Variants in HSPG2 observed in about 807,000 individuals in gnomAD.
HSPG2 encodes heparan sulfate proteoglycan 2.
HSPG2 carries 278 observed loss-of-function variants against 526.6 expected under a neutral mutation model. That is an observed-to-expected ratio of 0.53 (90% CI 0.48 to 0.58). The LOEUF is 0.58. Among genes scored for constraint, HSPG2 ranks in the 20% least tolerant of loss-of-function variants. The pLI is 0.00. For missense variants in HSPG2, 5,354 were observed against 6,099.5 expected (o/e 0.88, Z 4.07); for synonymous variants, 2,465 against 2,555.4 (o/e 0.96, Z 1.07).
intron 6 of HSPG2, chr1:21,888,660 A>C (rs748583963): frequency 2.2e-6 from 3 of 1,362,234 alleles, no homozygotes; most frequent in Non-Finnish European, 2.9e-6. Flanking sequence ...CCTGGCTTAC[A>C]CTCTCACCTG....
chr1:21,927,918 CGTGCCCGGCT>C (rs1466930709), intron 1 of HSPG2, among the ~76,000 whole-genome samples: 3 of 152,250 alleles, frequency 2.0e-5, no homozygotes, highest in Admixed American at 2.0e-4. Flanking sequence ...ATAGAGAAGG[CGTGCCCGGCT>C]GTGCCCTGGG....
In HSPG2 at chr1:21,885,301, A is replaced by G; in HGVS notation, c.1210+19T>C. The stretch of plus-strand genomic sequence containing the variant: ...AACCCAGCCCAGGGCCCGCATCTCG[A>G]CCCCAGCTCCCTGCTCACTGCAGCC... On this transcript the variant is annotated intron_variant, in intron 10 of 96. Transcript: ENST00000374695. The G allele has an allele frequency of 6.2e-7, 1 of 1,613,662 alleles. No individual in the cohort carries two copies. Among genetic ancestry groups the G allele is most frequent in the Non-Finnish European group, 8.5e-7 (1 of 1,179,926 alleles).
Position 21,830,964 on chromosome 1 carries a change from G to C in HSPG2, c.11671+18C>G. On this transcript the variant is annotated intron_variant, in intron 85 of 96. Coordinates refer to ENST00000374695, the MANE Select transcript of HSPG2 (RefSeq NM_005529.7). ...GGCAGGCCCTGGGGCGACAGCGACTGGCGGTCGGGGTGCGTACCTGGATGG... is the reference window on the plus strand; with the variant it reads ...GGCAGGCCCTGGGGCGACAGCGACTCGCGGTCGGGGTGCGTACCTGGATGG... 6.5e-7 allele frequency: 1 copy of C among 1,535,806 alleles called. No homozygotes were observed. Among genetic ancestry groups the C allele is most frequent in the Non-Finnish European group, 8.9e-7 (1 of 1,128,076 alleles).
chr1:21,893,696 G>A lies in HSPG2; in HGVS notation c.244+2226C>T, dbSNP rs1330305155. 1.3e-5 allele frequency among the ~76,000 whole-genome samples: 2 copies of A among 152,046 alleles called. No homozygotes were observed. Among genetic ancestry groups the A allele is most frequent in the Non-Finnish European group, 2.9e-5 (2 of 67,998 alleles). Reference sequence around the variant, plus strand: ...GTAGAGACAGAGAAGGAGGCAAGAAGGGACATTGACAGCGAGGGAGACGAG... The same window carrying A: ...GTAGAGACAGAGAAGGAGGCAAGAAAGGACATTGACAGCGAGGGAGACGAG... On this transcript the variant is annotated intron_variant, in intron 3 of 96. Coordinates refer to ENST00000374695, the MANE Select transcript of HSPG2 (RefSeq NM_005529.7). The surrounding 1 kb of genome is among the most constrained non-coding windows in gnomAD (Gnocchi z 4.3).
chr1:21,888,704 G>A (rs1642131906), intron 6 of HSPG2: 2 of 1,365,500 alleles, frequency 1.5e-6, no homozygotes, highest in Non-Finnish European at 2.0e-6. Context: ...GCCGGCGGGG[G>A]TGGGGGGGTC....
chr1:21,896,939 G>A (rs139555893), intron 1 of HSPG2, among the ~76,000 whole-genome samples: 13 of 152,192 alleles, frequency 8.5e-5, no homozygotes, highest in African/African-American at 3.1e-4. Flanking sequence ...CCAGCAGCGC[G>A]GAGGCAGAGC....
intron 21 of HSPG2, among the ~76,000 whole-genome samples, chr1:21,876,879 CA>C (rs1306551541): frequency 5.3e-5 from 8 of 152,046 alleles, no homozygotes; most frequent in Non-Finnish European, 4.4e-5. Flanking sequence ...GCCAACATGG[CA>C]AAACCCTGTC....
chr1:21,922,204 T>C (rs925182140), intron 1 of HSPG2, among the ~76,000 whole-genome samples: 13 of 152,234 alleles, frequency 8.5e-5, no homozygotes, highest in African/African-American at 3.1e-4. Flanking sequence ...GGAATTGCCA[T>C]TCCCACCTGA....
intron 14 of HSPG2, 49 bp downstream of exon 14, chr1:21,881,290 G>A (rs747569327): frequency 6.2e-7 from 1 of 1,600,234 alleles, no homozygotes; most frequent in East Asian, 2.2e-5. Flanking sequence ...AAGGAGCAGA[G>A]CCCACAGGAA....
chr1:21,884,466 C>T (rs559347120), intron 13 of HSPG2, 62 bp downstream of exon 13: 1 of 1,603,694 alleles, frequency 6.2e-7, no homozygotes, highest in Non-Finnish European at 8.5e-7. Flanking sequence ...TCCTCTGTGC[C>T]CCCTGGGTAC....
Position 21,904,707 on chromosome 1 carries a change from C to G in HSPG2, c.64-8397G>C, listed in dbSNP as rs773027215. Among the ~76,000 whole-genome samples, 1 of 152,216 alleles carries G rather than the reference C, an allele frequency of 6.6e-6. No homozygotes were observed. Among genetic ancestry groups the G allele is most frequent in the Non-Finnish European group, 1.5e-5 (1 of 68,020 alleles). ...GTGGGGGTGGCCTAAGCGGGAACAG[C>G]TTCTGGACTGGGCTGCCCAGCAAGA... On this transcript the variant is annotated intron_variant, in intron 1 of 96. Transcript: ENST00000374695. This position sits in a 1 kb window ranked among gnomAD's most constrained non-coding sequence, Gnocchi z 4.4.
chr1:21,823,075 TC>T lies in HSPG2; in HGVS notation c.*240del. The T allele has an allele frequency of 2.3e-6, 1 of 430,022 alleles. No individual in the cohort carries two copies. The allele number at this position is 430,022 out of a possible 1,614,324, so 26.6% of individuals were successfully genotyped here. On this transcript the variant is annotated 3_prime_UTR_variant, in exon 97 of 97. Transcript: ENST00000374695. The stretch of plus-strand genomic sequence containing the variant: ...CCCAGCCACTGTTCCTGACCCCAAG[TC>T]CTGGTGACTTTCTGAGGTGCCCACT...
At chr1:21,908,258 A>T (rs1572426166) in intron 1 of HSPG2, 2 of 1,020,750 alleles carry the variant, frequency 2.0e-6, no homozygotes, top group East Asian at 4.7e-5. Context: ...GGAACGCCCC[A>T]CAAGTGTTAC....
chr1:21,907,939 T>C (rs1235581887), intron 1 of HSPG2, among the ~76,000 whole-genome samples: 1 of 152,222 alleles, frequency 6.6e-6, no homozygotes, highest in Admixed American at 6.5e-5. Context: ...ATGTGTAAAA[T>C]GGGCACGATC....
Position 21,824,319 on chromosome 1 carries a change from G to A in HSPG2, c.12802C>T (p.His4268Tyr). 1.2e-6 allele frequency: 2 copies of A among 1,613,886 alleles called. No individual in the cohort carries two copies. Among genetic ancestry groups the A allele is most frequent in the Non-Finnish European group, 1.7e-6 (2 of 1,180,008 alleles). ...DFISLGLQDGHLVFRYQLGSG... is the reference protein window; with the variant it reads ...DFISLGLQDGYLVFRYQLGSG... ...GCCAGGACCTACCTGAAGACAAGGTGCCCGTCTTGAAGCCCGAGGCTGATG... is the reference window on the plus strand; with the variant it reads ...GCCAGGACCTACCTGAAGACAAGGTACCCGTCTTGAAGCCCGAGGCTGATG... The change falls in exon 94 of 97, where the codon CAC (histidine) becomes TAC (tyrosine). Residue 4268 changes from histidine to tyrosine, a missense_variant. Physicochemically the swap from His to Tyr is moderately conservative, Grantham distance 83. Transcript: ENST00000374695. This position sits in a 1 kb window ranked among gnomAD's most constrained non-coding sequence, Gnocchi z 5.9.
At chr1:21,863,075 A>C (rs1639944302) in intron 37 of HSPG2, among the ~76,000 whole-genome samples, 1 of 140,686 alleles carries the variant, frequency 7.1e-6, no homozygotes, top group Non-Finnish European at 1.5e-5. Context: ...AAAAAAAAAA[A>C]AAAAAAAAAA....
chr1:21,843,231 G>A (rs2098056929), intron 66 of HSPG2, 66 bp downstream of exon 66: 3 of 1,603,838 alleles, frequency 1.9e-6, no homozygotes, highest in Admixed American at 1.7e-5. Flanking sequence ...AGAGAGGAGA[G>A]GAGCAGAGCT....
In HSPG2 at chr1:21,825,003, A is replaced by T. The variant is rs1048592131; in HGVS notation, c.12590-224T>A. Reference sequence around the variant, plus strand: ...CACTCACTTCTCACTGAAATTGAGCAGTTCTTTCAATGAGATGTAGGCAAG... The same window carrying T: ...CACTCACTTCTCACTGAAATTGAGCTGTTCTTTCAATGAGATGTAGGCAAG... On this transcript the variant is annotated intron_variant, in intron 91 of 96. Coordinates refer to ENST00000374695, the MANE Select transcript of HSPG2 (RefSeq NM_005529.7). 8.6e-6 allele frequency: 5 copies of T among 583,606 alleles called. No homozygotes were observed. The African/African-American group carries it at 9.3e-5, about 11-fold the overall frequency. The allele number at this position is 583,606 out of a possible 1,614,324, so 36.2% of individuals were successfully genotyped here. A position where few individuals can be genotyped will look rare whatever the true frequency, so the allele number is the denominator to read the frequency against.
In HSPG2 at chr1:21,887,473, T is replaced by A. The variant is rs1188321280; in HGVS notation, c.905A>T (p.Tyr302Phe). 1 of 1,613,878 alleles carries A rather than the reference T, an allele frequency of 6.2e-7. No homozygotes were observed. The highest frequency in any genetic ancestry group is 1.3e-5 in the African/African-American group (1 of 74,884). ...CRNGHCIPRD[Y>F]LCDGQEDCED... ...GCAGTCCTCCTGTCCGTCGCAGAGGTAGTCTCTGGGGATGCAGTGCCCATT... is the reference window on the plus strand; with the variant it reads ...GCAGTCCTCCTGTCCGTCGCAGAGGAAGTCTCTGGGGATGCAGTGCCCATT... Residue 302 changes from tyrosine (Y) to phenylalanine (F), a missense_variant, in exon 8 of 97, where the codon TAC becomes TTC. By Grantham distance (22) the Tyr-to-Phe change is conservative. Transcript: ENST00000374695. This position sits in a 1 kb window ranked among gnomAD's most constrained non-coding sequence, Gnocchi z 5.0.
Sources: allele counts gnomAD v4.1 joint callset (sites outside exome capture counted in the v4.1 genomes callset), GRCh38; gene constraint gnomAD v4.1.1; non-coding constraint Gnocchi (gnomAD v3.1); transcripts MANE v1.5; gene names NCBI Gene and HGNC (gene_info 2026-07-23, HGNC 2026-07-21).